CCDC57: variants seen among roughly 807,000 people sequenced by gnomAD.
CCDC57 encodes the protein coiled-coil domain containing 57.
Under a neutral mutation model 118.9 loss-of-function variants are expected in CCDC57, and 118 were observed. The observed-to-expected ratio is 0.99, with a 90% CI of 0.86 to 1.16. The LOEUF (loss-of-function observed/expected upper bound fraction) is 1.16. Among genes scored for constraint, CCDC57 ranks in the 50% most tolerant of loss-of-function variants. The pLI, the probability that CCDC57 is intolerant of heterozygous loss-of-function variation, is 0.00. For missense variants in CCDC57, 1,300 were observed against 1,320.7 expected (o/e 0.98, Z 0.24); for synonymous variants, 527 against 532.9 (o/e 0.99, Z 0.15).
chr17:82,162,098 C>T lies in CCDC57; in HGVS notation c.2040+1102G>A, dbSNP rs143931550. ...CACTGCAACCTCCGCCTCCTGGGTT[C>T]AAGCGATTCTCCCACCTCAGCCTCC... is the stretch of plus-strand genomic sequence containing the variant. On this transcript the variant is annotated intron_variant, in intron 14 of 19. Transcript: ENST00000665763. Among the ~76,000 whole-genome samples, 508 of 152,254 alleles carry T rather than the reference C, an allele frequency of 3.3e-3. 3 individuals are homozygous for T. The highest frequency in any genetic ancestry group is 0.012 in the African/African-American group (488 of 41,540).
intron 18 of CCDC57, 121 bp downstream of exon 17, chr17:82,128,372 C>T (rs892687925): frequency 4.1e-5 from 28 of 677,112 alleles, no homozygotes; most frequent in Non-Finnish European, 5.9e-5. Context: ...TCCCTGATGA[C>T]GGCACAAAGG....
intron 19 of CCDC57, chr17:82,104,948 A>T (rs2034738143): frequency 6.6e-6 from 1 of 152,246 alleles, no homozygotes; most frequent in African/African-American, 2.4e-5. Context: ...CTCTGAGCAC[A>T]AAGAGGACGG....
chr17:82,151,986 ACAGATCTCCCAGGCCAGGGTGGCCCC>A, intron 15 of CCDC57: 2 of 564,910 alleles, frequency 3.5e-6, no homozygotes, highest in East Asian at 6.0e-5. Context: ...ATAAAGGCCC[ACAGATCTCCCAGGCCAGGGTGGCCCC>A]CAGATCTCCC....
intron 19 of CCDC57, chr17:82,107,320 G>A: frequency 2.3e-6 from 1 of 426,600 alleles, no homozygotes; most frequent in Non-Finnish European, 4.8e-6. Context: ...TGGGGGTGGG[G>A]GGATGCATGG....
rs1237503713 is a variant in CCDC57 at position 82,201,507 on chromosome 17, G to A, written c.407+31C>T. 6 of 1,546,602 alleles carry A rather than the reference G, an allele frequency of 3.9e-6. No individual in the cohort carries two copies. In the African/African-American group the frequency reaches 6.8e-5, roughly 17 times the overall value. ...CATGTGGGGGCCTCTGCCAGGCACT[G>A]CACAGGAGGGCGCGTCGGTCGGTGG... is the stretch of plus-strand genomic sequence containing the variant. On this transcript the variant is annotated intron_variant, in intron 3 of 19. Coordinates refer to ENST00000665763, the Ensembl canonical transcript of CCDC57.
At chr17:82,110,147 ATTTTTGTAT>A (rs2035145348) in intron 19 of CCDC57, among the ~76,000 whole-genome samples, 1 of 151,574 alleles carries the variant, frequency 6.6e-6, no homozygotes, top group South Asian at 2.1e-4. Context: ...CGGCCAGATA[ATTTTTGTAT>A]TTTTTGTAGA....
At chr17:82,190,021 A>G (rs1437706296) in intron 7 of CCDC57, among the ~76,000 whole-genome samples, 2 of 152,162 alleles carry the variant, frequency 1.3e-5, no homozygotes, top group Non-Finnish European at 2.9e-5. Context: ...AAATTAAAAA[A>G]AAAAAAATGA....
At position 82,142,314 on chromosome 17, in the gene CCDC57, T is replaced by G. The variant is rs1038849422; in HGVS notation, c.2456-8120A>C. ...AGTAACACAGCACTGAAGTTGTGTT[T>G]GTTTTTTTTTTTTCTTGAGACGGAG... On this transcript the variant is annotated intron_variant, in intron 16 of 19. Transcript: ENST00000665763. 2.6e-4 allele frequency among the ~76,000 whole-genome samples: 39 copies of G among 150,804 alleles called. 6 individuals carry two copies. Among genetic ancestry groups the G allele is most frequent in the Admixed American group, 2.3e-3 (35 of 15,016 alleles).
At chr17:82,120,172 T>C (rs987456712) in intron 19 of CCDC57, among the ~76,000 whole-genome samples, 1 of 72,036 alleles carries the variant, frequency 1.4e-5, no homozygotes, top group Non-Finnish European at 3.5e-5. Context: ...ATTATTATTA[T>C]TATTTTTTTT....
intron 9 of CCDC57, among the ~76,000 whole-genome samples, chr17:82,179,473 A>G (rs184676595): frequency 6.6e-6 from 1 of 152,348 alleles, no homozygotes; most frequent in African/African-American, 2.4e-5. Flanking sequence ...AGAGGGAGGA[A>G]AGCAACAACC....
At chr17:82,106,103 C>T (rs921456966) in intron 19 of CCDC57, among the ~76,000 whole-genome samples, 2 of 152,284 alleles carry the variant, frequency 1.3e-5, no homozygotes, top group African/African-American at 4.8e-5. Flanking sequence ...GCTGAGCCTG[C>T]CCAGGCCTGT....
intron 14 of CCDC57, among the ~76,000 whole-genome samples, chr17:82,161,526 A>C (rs2043334370): frequency 6.6e-6 from 1 of 152,234 alleles, no homozygotes; most frequent in Non-Finnish European, 1.5e-5. Flanking sequence ...ATGAATGATA[A>C]ACAAAATGTG....
In CCDC57 at chr17:82,174,491, C is replaced by T. The variant is rs1321513415; in HGVS notation, c.1507-1631G>A. On this transcript the variant is annotated intron_variant, in intron 11 of 19. Coordinates refer to ENST00000665763, the Ensembl canonical transcript of CCDC57. ...AAAGCCGGACAAACTCCAACTGACCCCTTAATTTACAAGACACTAAGGGCT... is the reference window on the plus strand; with the variant it reads ...AAAGCCGGACAAACTCCAACTGACCTCTTAATTTACAAGACACTAAGGGCT... Among the ~76,000 whole-genome samples, 7 of 152,218 alleles carry T rather than the reference C, an allele frequency of 4.6e-5. No homozygotes were observed. The South Asian group carries it at 1.0e-3, about 23-fold the overall frequency.
At chr17:82,128,460 C>G in intron 18 of CCDC57, 33 bp downstream of exon 17, 1 of 1,481,500 alleles carries the variant, frequency 6.7e-7, no homozygotes, top group Non-Finnish European at 9.2e-7. Flanking sequence ...ACACCCCACA[C>G]AGCTGCACTT....
rs755779565 is a variant in CCDC57, at chr17:82,163,393, G to C, written c.1883-36C>G. 6.2e-6 allele frequency: 10 copies of C among 1,606,000 alleles called. No homozygotes were observed. In the African/African-American group the frequency reaches 8.0e-5, roughly 13 times the overall value. On this transcript the variant is annotated intron_variant, in intron 13 of 19. Transcript: ENST00000665763. The stretch of plus-strand genomic sequence containing the variant: ...GAGTGGCTTCTGTCAGCTCATACCT[G>C]AGAACAAAGGAAGACCTTTCTGGGG...
At chr17:82,109,357 G>A (rs1338315877) in intron 19 of CCDC57, among the ~76,000 whole-genome samples, 1 of 152,250 alleles carries the variant, frequency 6.6e-6, no homozygotes, top group African/African-American at 2.4e-5. Flanking sequence ...GCTGGCAGAT[G>A]TTACCACAGG....
chr17:82,105,405 T>C lies in CCDC57; in HGVS notation c.2900-3539A>G, dbSNP rs74924559. On this transcript the variant is annotated intron_variant, in intron 19 of 19. Transcript: ENST00000665763. ...TCCAAGTCTCTTGGGAACAAGGCTT[T>C]TCCCACCACTGTCAGCACGGCACCC... Among the ~76,000 whole-genome samples the C allele has an allele frequency of 9.8e-3, 1,487 of 152,270 alleles. 23 individuals are homozygous for C. Among genetic ancestry groups the C allele is most frequent in the African/African-American group, 0.034 (1,431 of 41,544 alleles).
intron 3 of CCDC57, 39 bp downstream of exon 2, chr17:82,201,499 C>G: frequency 6.6e-7 from 1 of 1,522,100 alleles, no homozygotes. Context: ...GGGCCTCTGC[C>G]AGGCACTGCA....
intron 14 of CCDC57, among the ~76,000 whole-genome samples, chr17:82,161,044 C>A (rs765288053): frequency 6.6e-6 from 1 of 152,110 alleles, no homozygotes; most frequent in Non-Finnish European, 1.5e-5. Context: ...GGGATCCACA[C>A]GGATGTTTCT....
Sources: gnomAD v4.1 joint callset for allele counts (sites outside exome capture counted in the v4.1 genomes callset) on GRCh38, gnomAD v4.1.1 for gene constraint, MANE v1.5 for transcripts, NCBI Gene and HGNC (gene_info 2026-07-23, HGNC 2026-07-21) for gene names.